NADSYN1: variants seen among roughly 807,000 people sequenced by gnomAD.
NADSYN1 encodes the protein NAD synthetase 1, also known as glutamine-dependent NAD(+) synthetase.
In NADSYN1, 80 loss-of-function variants were observed where a neutral mutation model predicts 99.3. That is an observed-to-expected ratio of 0.81 (90% CI 0.67 to 0.97). The LOEUF is 0.97. Ranked by LOEUF, NADSYN1 falls within the 50% of genes least tolerant of loss-of-function variation. The pLI is 0.00. For synonymous variants in NADSYN1, 385 were observed against 372.1 expected (o/e 1.03, Z -0.40); for missense variants, 859 against 948.5 (o/e 0.91, Z 1.24).
In NADSYN1 at chr11:71,453,397, C is replaced by T. The variant is rs1362211893; in HGVS notation, c.85+16C>T. On this transcript the variant is annotated intron_variant, in intron 1 of 20. Transcript: ENST00000319023. ...ATTTTAAAGAGTGAGTCTGGGGCGG[C>T]GGGGGCACCGGTTTGGGGTGGCGCA... 3.1e-6 allele frequency: 5 copies of T among 1,606,978 alleles called. No individual in the cohort carries two copies. In the South Asian group the frequency reaches 4.4e-5, roughly 14 times the overall value.
intron 14 of NADSYN1, 55 bp from the exon 15 acceptor site, chr11:71,484,257 C>G (rs1420902076): frequency 1.9e-6 from 3 of 1,588,402 alleles, no homozygotes; most frequent in Non-Finnish European, 2.6e-6. Flanking sequence ...CTCATGCGCA[C>G]ACACATGCAC....
intron 3 of NADSYN1, chr11:71,460,951 C>A (rs1250158069): frequency 6.6e-6 from 1 of 152,196 alleles, no homozygotes; most frequent in Non-Finnish European, 1.5e-5. Flanking sequence ...TTAAAAACGA[C>A]TGTCTTATTT....
At chr11:71,474,675 C>A (rs1949652847) in intron 9 of NADSYN1, 149 bp downstream of exon 9, 1 of 1,055,858 alleles carries the variant, frequency 9.5e-7, no homozygotes, top group Admixed American at 1.9e-5. Context: ...CCCTGTAAGC[C>A]GGGCGCTTAG....
chr11:71,469,726 T>A (rs1297376770), intron 5 of NADSYN1, among the ~76,000 whole-genome samples: 3 of 152,092 alleles, frequency 2.0e-5, no homozygotes, highest in African/African-American at 4.8e-5. Context: ...CCAACAACCT[T>A]CAGCATGGGC....
intron 3 of NADSYN1, 49 bp downstream of exon 3, chr11:71,458,593 C>G: frequency 7.1e-7 from 1 of 1,404,152 alleles, no homozygotes; most frequent in Non-Finnish European, 1.0e-6. Flanking sequence ...CAAAGGCAAG[C>G]TCAAGGGCAT....
At chr11:71,474,773 A>G (rs113204313) in intron 9 of NADSYN1, 14 of 484,792 alleles carry the variant, frequency 2.9e-5, no homozygotes, top group East Asian at 1.2e-4. Context: ...GCCCCTGTGG[A>G]GAAGCCCCCA....
rs1304766496 is a variant in NADSYN1 at position 71,473,675 on chromosome 11, G to A, written c.655G>A (p.Val219Ile). The stretch of plus-strand genomic sequence containing the variant: ...CACCAGGGTGGATCTCGTGACTATG[G>A]TCACCAGCAAGGTAGGGGCTGGGCC... ...ANTRVDLVTM[V>I]TSKNGGIYLL... Residue 219 changes from valine (V) to isoleucine (I), a missense_variant, in exon 8 of 21, where the codon GTC becomes ATC. Physicochemically the swap from Val to Ile is conservative, Grantham distance 29 (BLOSUM62 3). Transcript: ENST00000319023. 6.2e-7 allele frequency: 1 copy of A among 1,612,060 alleles called. No individual in the cohort carries two copies. The highest frequency in any genetic ancestry group is 1.7e-5 in the Admixed American group (1 of 59,968).
Position 71,476,171 on chromosome 11 carries a change from C to T in NADSYN1, c.798+1645C>T, listed in dbSNP as rs145716334. The T allele has an allele frequency of 1.5e-3, 658 of 453,540 alleles. 2 individuals carry two copies. Among genetic ancestry groups the T allele is most frequent in the African/African-American group, 0.012 (602 of 50,164 alleles). The allele number at this position is 453,540 out of a possible 1,614,324, so 28.1% of individuals were successfully genotyped here. ...TCCACTCTCGGGCTCAGACCACACG[C>T]GGGTCCACAGCACTGCCTCCCACAC... On this transcript the variant is annotated intron_variant, in intron 9 of 20. Coordinates refer to ENST00000319023, the MANE Select transcript of NADSYN1 (RefSeq NM_018161.5).
At chr11:71,499,226 T>C (rs1949841631) in intron 20 of NADSYN1, 1 of 152,256 alleles carries the variant, frequency 6.6e-6, no homozygotes, top group Admixed American at 6.5e-5. Context: ...GCTGTGCTGT[T>C]GGGAATGGCG....
At chr11:71,471,678 G>A (rs1311418839) in intron 5 of NADSYN1, among the ~76,000 whole-genome samples, 6 of 152,206 alleles carry the variant, frequency 3.9e-5, no homozygotes, top group African/African-American at 1.2e-4. Flanking sequence ...CTCAATATGG[G>A]ATGGCGAGGC....
At chr11:71,490,756 C>A in intron 16 of NADSYN1, 89 bp from the exon 17 acceptor site, 3 of 1,539,662 alleles carry the variant, frequency 1.9e-6, no homozygotes, top group Admixed American at 1.9e-5. Flanking sequence ...GGCTTCAGGG[C>A]CCCTGGAAGA....
intron 16 of NADSYN1, among the ~76,000 whole-genome samples, chr11:71,490,396 G>C (rs1053124964): frequency 1.3e-5 from 2 of 152,218 alleles, no homozygotes; most frequent in Admixed American, 6.5e-5. Context: ...AGAGGTGACA[G>C]AGTCACAGGT....
rs369511353 is a variant in NADSYN1, at chr11:71,473,706, G to T, written c.666+20G>T. On this transcript the variant is annotated intron_variant, in intron 8 of 20. Transcript: ENST00000319023. Reference sequence around the variant, plus strand: ...AGCAAGGTAGGGGCTGGGCCAGGGAGCGTGCGCCACAGGGCAGACACTGTA... The same window carrying T: ...AGCAAGGTAGGGGCTGGGCCAGGGATCGTGCGCCACAGGGCAGACACTGTA... The T allele has an allele frequency of 6.4e-7, 1 of 1,559,896 alleles. No homozygotes were observed.
intron 20 of NADSYN1, among the ~76,000 whole-genome samples, chr11:71,500,329 G>T (rs1361431891): frequency 6.6e-6 from 1 of 152,176 alleles, no homozygotes; most frequent in East Asian, 1.9e-4. Context: ...TGAGCAGGTG[G>T]CCTGTAAAAC....
intron 20 of NADSYN1, 97 bp from the exon 21 acceptor site, chr11:71,501,205 T>C: frequency 8.4e-7 from 1 of 1,188,238 alleles, no homozygotes; most frequent in South Asian, 1.7e-5. Context: ...CTTTTTCACC[T>C]CTGGGACTTG....
chr11:71,488,057 A>G (rs1426810813), intron 16 of NADSYN1, among the ~76,000 whole-genome samples: 3 of 151,976 alleles, frequency 2.0e-5, no homozygotes, highest in Non-Finnish European at 4.4e-5. Flanking sequence ...TCTGGCAAGA[A>G]TCTCAAATGT....
In NADSYN1 at chr11:71,473,283, C is replaced by G. The variant is rs766711243; in HGVS notation, c.465C>G (p.Thr155=). 1 of 1,614,142 alleles carries G rather than the reference C, an allele frequency of 6.2e-7. No homozygotes were observed. Among genetic ancestry groups the G allele is most frequent in the Admixed American group, 1.7e-5 (1 of 60,032 alleles). ...RMIQDLTKQE[T]VPFGDAVLVT... is the part of the protein sequence containing the mutation. ...CTCTTCTCTTCCGACTGCAGGAAAC[C>G]GTACCCTTCGGAGATGCGGTGCTGG... Residue 155 remains threonine, a synonymous_variant, in exon 7 of 21, where the codon ACC becomes ACG. Coordinates refer to ENST00000319023, the MANE Select transcript of NADSYN1 (RefSeq NM_018161.5).
At chr11:71,483,428 G>A (rs1293923472) in intron 14 of NADSYN1, among the ~76,000 whole-genome samples, 1 of 152,176 alleles carries the variant, frequency 6.6e-6, no homozygotes, top group African/African-American at 2.4e-5. Flanking sequence ...TCACCAGGGT[G>A]TGCAGCAGGT....
intron 20 of NADSYN1, chr11:71,499,497 A>G (rs994339447): frequency 2.6e-5 from 4 of 152,208 alleles, no homozygotes; most frequent in African/African-American, 9.6e-5. Context: ...GAGTATGGTG[A>G]CAATCACTGT....
Sources: gnomAD v4.1 joint callset for allele counts (sites outside exome capture counted in the v4.1 genomes callset) on GRCh38, gnomAD v4.1.1 for gene constraint, MANE v1.5 for transcripts, NCBI Gene and HGNC (gene_info 2026-07-23, HGNC 2026-07-21) for gene names.